TG: variants seen among roughly 807,000 people sequenced by gnomAD.
TG encodes the protein thyroglobulin, also known as thyroid hormones.
In TG, 270 loss-of-function variants were observed where a neutral mutation model predicts 324.7. That is an observed-to-expected ratio of 0.83 (90% CI 0.75 to 0.92). TG has a LOEUF of 0.92. TG is among the 40% of genes least tolerant of loss of function. TG has a pLI of 0.00. For missense variants in TG, 3,591 were observed against 3,456.4 expected (o/e 1.04, Z -0.98); for synonymous variants, 1,401 against 1,327.0 (o/e 1.06, Z -1.21).
chr8:132,916,632 G>C (rs146472220), intron 20 of TG, among the ~76,000 whole-genome samples: 23 of 152,298 alleles, frequency 1.5e-4, no homozygotes, highest in African/African-American at 5.3e-4. Flanking sequence ...CTCATGACTC[G>C]TGTAGGCACA....
intron 44 of TG, among the ~76,000 whole-genome samples, chr8:133,115,513 A>G (rs1850608408): frequency 6.6e-6 from 1 of 152,128 alleles, no homozygotes. Context: ...CACCCAGCAG[A>G]CTCACCAAAG....
chr8:132,870,493 T>C (rs1316042991), intron 3 of TG, among the ~76,000 whole-genome samples: 1 of 150,940 alleles, frequency 6.6e-6, no homozygotes, highest in Non-Finnish European at 1.5e-5. Flanking sequence ...GCATCTGCCT[T>C]GTATGATGTG....
At chr8:132,914,717 A>G (rs1261751937) in intron 20 of TG, among the ~76,000 whole-genome samples, 2 of 152,220 alleles carry the variant, frequency 1.3e-5, no homozygotes, top group South Asian at 2.1e-4. Context: ...GAGTAAGCCC[A>G]GGTCCTCTGG....
At chr8:133,057,186 C>G (rs562535960) in intron 41 of TG, among the ~76,000 whole-genome samples, 2 of 146,534 alleles carry the variant, frequency 1.4e-5, no homozygotes, top group South Asian at 4.2e-4. Flanking sequence ...GTTGGTGCCT[C>G]TTCAGGTCAG....
intron 35 of TG, chr8:133,002,256 G>T: frequency 1.0e-6 from 1 of 985,452 alleles, no homozygotes; most frequent in Non-Finnish European, 1.2e-6. Context: ...ACCTCTGCCT[G>T]TGGGGTGCAT....
intron 35 of TG, among the ~76,000 whole-genome samples, chr8:132,993,286 G>A (rs1270135985): frequency 1.3e-5 from 2 of 152,248 alleles, no homozygotes; most frequent in African/African-American, 4.8e-5. Context: ...TGAATGGAGA[G>A]GGTGGTTGTG....
At chr8:132,892,981 GGTT>G (rs1338070287) in intron 10 of TG, among the ~76,000 whole-genome samples, 1 of 148,662 alleles carries the variant, frequency 6.7e-6, no homozygotes, top group East Asian at 2.0e-4. Flanking sequence ...GTATGTGTGT[GGTT>G]GTGTGTATGG....
intron 41 of TG, chr8:133,050,890 C>A (rs1161380780): frequency 6.2e-6 from 10 of 1,613,512 alleles, no homozygotes; most frequent in Non-Finnish European, 8.5e-6. Flanking sequence ...AGTCACTTAG[C>A]ACGGCAAGGA....
Position 133,022,265 on chromosome 8 carries a change from C to T in TG, c.7036+115C>T, listed in dbSNP as rs936123236. 4 of 1,445,178 alleles carry T rather than the reference C, an allele frequency of 2.8e-6. No homozygotes were observed. In the African/African-American group the frequency reaches 5.6e-5, roughly 20 times the overall value. 89.5% of individuals were successfully genotyped at this position (1,445,178 alleles called of 1,614,324 possible). A position where few individuals can be genotyped will look rare whatever the true frequency, so the allele number is the denominator to read the frequency against. ...TCCTCCTCCAGCCAAGCTAGGCACA[C>T]AGTGGAAATTTTAGCACATATGGGA... On this transcript the variant is annotated intron_variant, in intron 40 of 47. Transcript: ENST00000220616.
At chr8:132,938,326 C>A (rs1490165641) in intron 25 of TG, among the ~76,000 whole-genome samples, 1 of 152,158 alleles carries the variant, frequency 6.6e-6, no homozygotes, top group African/African-American at 2.4e-5. Context: ...TGTCTGTGGC[C>A]TTCAACTTGG....
At chr8:133,055,361 GCGCGCACACA>G (rs1374645230) in intron 41 of TG, among the ~76,000 whole-genome samples, 97 of 131,758 alleles carry the variant, frequency 7.4e-4, no homozygotes, top group Middle Eastern at 4.0e-3. Flanking sequence ...ACACACGCAC[GCGCGCACACA>G]CACACACACA....
chr8:132,868,139 T>C lies in TG; in HGVS notation c.92T>C (p.Leu31Pro), dbSNP rs1404590444. 1 of 1,614,168 alleles carries C rather than the reference T, an allele frequency of 6.2e-7. No homozygotes were observed. Among genetic ancestry groups the C allele is most frequent in the Admixed American group, 1.7e-5 (1 of 60,024 alleles). The change falls in exon 2 of 48, where the codon CTT becomes CCT. Residue 31 changes from leucine to proline, a missense_variant. Physicochemically the swap from Leu to Pro is moderately conservative, Grantham distance 98 (BLOSUM62 -3). Transcript: ENST00000220616. ...GAGTACCAGGTGGATGCCCAGCCCC[T>C]TCGTCCCTGTGAGCTGCAGAGGGAA... ...IFEYQVDAQP[L>P]RPCELQRETA...
intron 10 of TG, among the ~76,000 whole-genome samples, chr8:132,892,082 G>A (rs1047592077): frequency 2.0e-5 from 3 of 152,194 alleles, no homozygotes; most frequent in African/African-American, 7.2e-5. Flanking sequence ...GAGAAGTTAA[G>A]TGCATTATCC....
chr8:132,933,076 G>GA (rs1822952069), intron 23 of TG, among the ~76,000 whole-genome samples: 1 of 147,886 alleles, frequency 6.8e-6, no homozygotes, highest in Non-Finnish European at 1.5e-5. Flanking sequence ...TAAGATGGGG[G>GA]ATCGATGATT....
intron 41 of TG, among the ~76,000 whole-genome samples, chr8:133,092,669 G>A (rs948560511): frequency 1.3e-5 from 2 of 152,188 alleles, no homozygotes; most frequent in Admixed American, 1.3e-4. Context: ...TCATCAGGGA[G>A]TGACACAGCT....
In TG at chr8:132,953,280, T is replaced by C. The variant is rs147468159; in HGVS notation, c.5401+4337T>C. 5.4e-3 allele frequency among the ~76,000 whole-genome samples: 824 copies of C among 152,282 alleles called. 6 individuals are homozygous for C. The highest frequency in any genetic ancestry group is 0.025 in the South Asian group (119 of 4,818). On this transcript the variant is annotated intron_variant, in intron 27 of 47. Transcript: ENST00000220616. ...CTTCCCCAGGCTGGAGCAGCCCCTG[T>C]GTTTCCTCCTCCCTCCCTCATATCC... is the stretch of plus-strand genomic sequence containing the variant.
chr8:133,003,233 GGGAGGGAGAGAGTGAA>G, intron 35 of TG: 1 of 162,900 alleles, frequency 6.1e-6, no homozygotes, highest in Non-Finnish European at 1.3e-5. Flanking sequence ...TAAGGAAGGA[GGGAGGGAGAGAGTGAA>G]GGAGGGAAGA....
chr8:132,974,006 T>C (rs1829874023), intron 34 of TG, among the ~76,000 whole-genome samples: 1 of 150,028 alleles, frequency 6.7e-6, no homozygotes, highest in Non-Finnish European at 1.5e-5. Flanking sequence ...TTTTTTTTTT[T>C]TTTTGAGGCG....
At chr8:133,106,982 C>G (rs1287863266) in intron 43 of TG, among the ~76,000 whole-genome samples, 1 of 152,144 alleles carries the variant, frequency 6.6e-6, no homozygotes, top group Non-Finnish European at 1.5e-5. Context: ...CACCACTCGG[C>G]GTGAACTAAA....
Sources: allele counts gnomAD v4.1 joint callset (sites outside exome capture counted in the v4.1 genomes callset), GRCh38; gene constraint gnomAD v4.1.1; transcripts MANE v1.5; gene names NCBI Gene and HGNC (gene_info 2026-07-23, HGNC 2026-07-21).